Variants in CMSS1 observed in about 807,000 individuals in gnomAD.
CMSS1 encodes the protein protein CMSS1.
A neutral mutation model predicts 43.5 loss-of-function variants in CMSS1; 33 were observed. That is an observed-to-expected ratio of 0.76 (90% CI 0.57 to 1.01). The LOEUF is 1.01. CMSS1 is among the 50% of genes least tolerant of loss of function. The pLI, the probability that CMSS1 is intolerant of heterozygous loss-of-function variation, is 0.00. For missense variants in CMSS1, 313 were observed against 326.4 expected (o/e 0.96, Z 0.32); for synonymous variants, 115 against 117.2 (o/e 0.98, Z 0.12).
intron 1 of CMSS1, among the ~76,000 whole-genome samples, chr3:99,911,939 CT>C (rs1014756089): frequency 2.6e-5 from 4 of 151,396 alleles, no homozygotes; most frequent in African/African-American, 4.9e-5. Flanking sequence ...TTCGTTCTCT[CT>C]TTTTTTTTCC....
At chr3:100,101,158 T>A (rs748138768) in intron 1 of CMSS1, among the ~76,000 whole-genome samples, 1 of 152,102 alleles carries the variant, frequency 6.6e-6, no homozygotes, top group Non-Finnish European at 1.5e-5. Flanking sequence ...CTCTCCTGAG[T>A]GGTAGTAACC....
intron 2 of CMSS1, among the ~76,000 whole-genome samples, chr3:100,152,869 T>C (rs1227639208): frequency 1.3e-5 from 2 of 152,236 alleles, no homozygotes; most frequent in Admixed American, 1.3e-4. Context: ...TCACCTTCCA[T>C]GTCTTCAAAG....
At chr3:100,016,819 G>A (rs1447919856) in intron 1 of CMSS1, among the ~76,000 whole-genome samples, 2 of 152,108 alleles carry the variant, frequency 1.3e-5, no homozygotes, top group Non-Finnish European at 2.9e-5. Context: ...TTTCTTAATA[G>A]TGCTTCTAGG....
At chr3:100,146,886 A>C (rs931455829) in intron 1 of CMSS1, 87 bp from the exon 2 acceptor site, 64 of 1,501,606 alleles carry the variant, frequency 4.3e-5, no homozygotes, top group Non-Finnish European at 5.6e-5. Flanking sequence ...AAGTGAAGAG[A>C]TAGAACCTTC....
intron 1 of CMSS1, among the ~76,000 whole-genome samples, chr3:99,852,221 T>C (rs1943731171): frequency 1.3e-5 from 2 of 152,190 alleles, no homozygotes; most frequent in Admixed American, 1.3e-4. Flanking sequence ...AGTACTGTTA[T>C]ACAGAAGCTA....
intron 1 of CMSS1, among the ~76,000 whole-genome samples, chr3:99,922,270 G>T (rs866810247): frequency 7.9e-5 from 12 of 152,158 alleles, no homozygotes; most frequent in Non-Finnish European, 1.6e-4. Flanking sequence ...AACCACAGGG[G>T]TTCAAAATAA....
intron 1 of CMSS1, among the ~76,000 whole-genome samples, chr3:99,964,750 A>C (rs572580296): frequency 6.6e-6 from 1 of 152,260 alleles, no homozygotes; most frequent in African/African-American, 2.4e-5. Context: ...AGCCGAAGAA[A>C]GAGGTCCCCT....
At chr3:100,050,646 C>T (rs1239357117) in intron 1 of CMSS1, among the ~76,000 whole-genome samples, 2 of 152,180 alleles carry the variant, frequency 1.3e-5, no homozygotes, top group Non-Finnish European at 2.9e-5. Flanking sequence ...ATTCTCCTGC[C>T]TCAGCCTCCA....
At chr3:99,835,199 T>C (rs1449903822) in intron 1 of CMSS1, among the ~76,000 whole-genome samples, 2 of 152,210 alleles carry the variant, frequency 1.3e-5, no homozygotes, top group African/African-American at 2.4e-5. Context: ...GCAGCACTGA[T>C]TCCTGGGCTA....
intron 1 of CMSS1, among the ~76,000 whole-genome samples, chr3:100,000,547 A>G (rs1056526919): frequency 3.3e-5 from 5 of 152,190 alleles, no homozygotes; most frequent in Admixed American, 2.6e-4. Flanking sequence ...TTCAGACAAT[A>G]CTCCTAAAAG....
At chr3:99,947,137 CAAAAAAAA>C (rs397829321) in intron 1 of CMSS1, among the ~76,000 whole-genome samples, 2 of 88,826 alleles carry the variant, frequency 2.3e-5, no homozygotes, top group Non-Finnish European at 4.2e-5. Flanking sequence ...GACTCTGTCT[CAAAAAAAA>C]AAAAAAAAAA....
intron 1 of CMSS1, chr3:99,850,518 A>G: frequency 6.2e-7 from 1 of 1,613,130 alleles, no homozygotes; most frequent in Non-Finnish European, 8.5e-7. Context: ...TGAGCTCTTC[A>G]TCTTTCCCTT....
At chr3:100,036,740 A>G (rs1373359525) in intron 1 of CMSS1, among the ~76,000 whole-genome samples, 2 of 152,194 alleles carry the variant, frequency 1.3e-5, no homozygotes, top group African/African-American at 2.4e-5. Flanking sequence ...ATTACTTATT[A>G]ATAATCATGG....
intron 7 of CMSS1, 199 bp downstream of exon 7, chr3:100,172,098 C>T: frequency 1.6e-6 from 1 of 633,078 alleles, no homozygotes; most frequent in Admixed American, 2.9e-5. Context: ...CTGCCATGCT[C>T]TGTCCCTGTA....
intron 1 of CMSS1, among the ~76,000 whole-genome samples, chr3:99,998,755 G>A (rs1352641260): frequency 6.6e-6 from 1 of 152,138 alleles, no homozygotes; most frequent in Non-Finnish European, 1.5e-5. Flanking sequence ...ATTTTTAGTA[G>A]AGACCGGGTT....
chr3:99,924,481 T>A, intron 1 of CMSS1: 1 of 1,424,994 alleles, frequency 7.0e-7, no homozygotes, highest in Non-Finnish European at 9.7e-7. Context: ...TTTAGAAATG[T>A]CCCTGTTTTG....
chr3:99,868,655 G>T (rs569585629), intron 1 of CMSS1, among the ~76,000 whole-genome samples: 1 of 152,300 alleles, frequency 6.6e-6, no homozygotes, highest in African/African-American at 2.4e-5. Context: ...CAGTTTGGGT[G>T]CTCTGATCTT....
At chr3:99,874,076 G>A (rs1352065218) in intron 1 of CMSS1, among the ~76,000 whole-genome samples, 1 of 152,166 alleles carries the variant, frequency 6.6e-6, no homozygotes, top group Non-Finnish European at 1.5e-5. Context: ...GAGGTCTTAT[G>A]TGATTGTTCT....
chr3:100,096,626 G>T (rs959702773), intron 1 of CMSS1, among the ~76,000 whole-genome samples: 2 of 151,944 alleles, frequency 1.3e-5, no homozygotes, highest in Non-Finnish European at 2.9e-5. Flanking sequence ...AGAGTAGTAG[G>T]GGGTGGGGAG....
Sources: allele counts gnomAD v4.1 joint callset (sites outside exome capture counted in the v4.1 genomes callset), GRCh38; gene constraint gnomAD v4.1.1; transcripts MANE v1.5; gene names NCBI Gene and HGNC (gene_info 2026-07-23, HGNC 2026-07-21).